The following SLC18A1 variants were observed in gnomAD, a reference collection of about 807,000 sequenced individuals.
The protein encoded by SLC18A1 is solute carrier family 18 member A1.
SLC18A1 carries 69 observed loss-of-function variants against 53.7 expected under a neutral mutation model. That is an observed-to-expected ratio of 1.28 (90% CI 1.06 to 1.57). The LOEUF (loss-of-function observed/expected upper bound fraction) is 1.57, where lower values mean the gene tolerates loss of function less well. Ranked by LOEUF, SLC18A1 falls within the 40% of genes most tolerant of loss-of-function variation. The probability of loss-of-function intolerance (pLI) is 0.00; values close to 1 mark genes in which losing one functional copy is unlikely to be tolerated. For missense variants in SLC18A1, 932 were observed against 668.1 expected (o/e 1.40, Z -4.35); for synonymous variants, 320 against 248.1 (o/e 1.29, Z -2.72).
intron 4 of SLC18A1, among the ~76,000 whole-genome samples, chr8:20,176,535 A>T (rs1186372511): frequency 3.3e-5 from 5 of 152,150 alleles, no homozygotes; most frequent in African/African-American, 1.2e-4. Flanking sequence ...CAAAGCAATT[A>T]TTTTTTTCAC....
At chr8:20,173,790 T>G (rs1381625937) in intron 5 of SLC18A1, among the ~76,000 whole-genome samples, 1 of 152,142 alleles carries the variant, frequency 6.6e-6, no homozygotes, top group African/African-American at 2.4e-5. Context: ...ATAGCTTCAC[T>G]GGAGGCTTGC....
At chr8:20,181,614 A>C (rs930946574) in intron 1 of SLC18A1, 4 of 152,132 alleles carry the variant, frequency 2.6e-5, no homozygotes, top group South Asian at 2.1e-4. Context: ...ATAGATATTG[A>C]TATCATGTTT....
At chr8:20,179,061 A>G (rs191766690) in intron 3 of SLC18A1, 60 bp downstream of exon 3, 35 of 1,527,520 alleles carry the variant, frequency 2.3e-5, no homozygotes, top group Admixed American at 2.1e-4. Context: ...CCCCCTTTCT[A>G]TACTTTTCTA....
At chr8:20,145,971 A>T (rs1238287118) in intron 15 of SLC18A1, 95 bp from the exon 16 acceptor site, 2 of 614,618 alleles carry the variant, frequency 3.3e-6, no homozygotes, top group Non-Finnish European at 5.3e-6. Context: ...GCTGGAGTGC[A>T]GTGGCGCAAT....
At chr8:20,173,742 A>G (rs917450332) in intron 5 of SLC18A1, among the ~76,000 whole-genome samples, 1 of 152,180 alleles carries the variant, frequency 6.6e-6, no homozygotes, top group Non-Finnish European at 1.5e-5. Flanking sequence ...CAGAAAAAGG[A>G]CCATAGAGTG....
In SLC18A1 at chr8:20,173,021, G is replaced by A. The variant is rs1314829472; in HGVS notation, c.724+15C>T. Reference sequence around the variant, plus strand: ...CCACCCTCCCGAACCCAGAGCTCCAGCTGGTGCCACTTACCCAGCAACCCC... The same window carrying A: ...CCACCCTCCCGAACCCAGAGCTCCAACTGGTGCCACTTACCCAGCAACCCC... On this transcript the variant is annotated intron_variant, in intron 6 of 15. Coordinates refer to ENST00000276373, the MANE Select transcript of SLC18A1 (RefSeq NM_003053.4). 1.9e-6 allele frequency: 3 copies of A among 1,556,958 alleles called. No individual in the cohort carries two copies. The highest frequency in any genetic ancestry group is 2.6e-6 in the Non-Finnish European group (3 of 1,145,584).
At position 20,179,051 on chromosome 8, in the gene SLC18A1, C is replaced by T. The variant is rs2072335619; in HGVS notation, c.488+70G>A. 5 of 1,513,214 alleles carry T rather than the reference C, an allele frequency of 3.3e-6. No homozygotes were observed. In the South Asian group the frequency reaches 4.0e-5, roughly 12 times the overall value. The allele number at this position is 1,513,214 out of a possible 1,614,324, so 93.7% of individuals were successfully genotyped here. A position where few individuals can be genotyped will look rare whatever the true frequency, so the allele number is the denominator to read the frequency against. Reference sequence around the variant, plus strand: ...AGTATTTCTTCTTTTTCCCTTCCAACCCCCTTTCTATACTTTTCTAGTCCT... The same window carrying T: ...AGTATTTCTTCTTTTTCCCTTCCAATCCCCTTTCTATACTTTTCTAGTCCT... On this transcript the variant is annotated intron_variant, in intron 3 of 15. Coordinates refer to ENST00000276373, the MANE Select transcript of SLC18A1 (RefSeq NM_003053.4).
chr8:20,170,138 A>AC (rs1456319576), intron 8 of SLC18A1, among the ~76,000 whole-genome samples: 5 of 152,086 alleles, frequency 3.3e-5, no homozygotes, highest in Admixed American at 1.3e-4. Context: ...CCTCTCCAGG[A>AC]CCCAGACATC....
At chr8:20,148,906 G>T (rs562695369) in intron 12 of SLC18A1, among the ~76,000 whole-genome samples, 2 of 152,222 alleles carry the variant, frequency 1.3e-5, no homozygotes, top group South Asian at 4.2e-4. Flanking sequence ...CAACCCTGTG[G>T]ACACCATCAG....
intron 4 of SLC18A1, 73 bp downstream of exon 4, chr8:20,178,362 A>C (rs1338302948): frequency 1.5e-5 from 19 of 1,227,516 alleles, no homozygotes; most frequent in Non-Finnish European, 1.9e-5. Flanking sequence ...TTACCCTGCT[A>C]TCTACACCGC....
Position 20,165,109 on chromosome 8 carries a change from T to C in SLC18A1, c.859-2A>G, listed in dbSNP as rs1409237003. The C allele has an allele frequency of 1.2e-6, 2 of 1,613,800 alleles. No homozygotes were observed. The highest frequency in any genetic ancestry group is 1.7e-5 in the Admixed American group (1 of 60,024). On this transcript the variant is annotated splice_acceptor_variant, in intron 8 of 15. Transcript: ENST00000276373. LOFTEE classifies it high-confidence loss of function. ...AAAGAGGGGAGTCCCCTTGGCACTCTGAGAACATGGATAACAAAAAATGTC... is the reference window on the plus strand; with the variant it reads ...AAAGAGGGGAGTCCCCTTGGCACTCCGAGAACATGGATAACAAAAAATGTC...
At chr8:20,154,806 G>T (rs903451068) in intron 10 of SLC18A1, among the ~76,000 whole-genome samples, 5 of 152,154 alleles carry the variant, frequency 3.3e-5, no homozygotes, top group Non-Finnish European at 7.4e-5. Flanking sequence ...GTCCGTGTTT[G>T]TTCTGGCTCG....
intron 8 of SLC18A1, among the ~76,000 whole-genome samples, chr8:20,165,725 A>G (rs1042156685): frequency 6.6e-6 from 1 of 152,156 alleles, no homozygotes; most frequent in Non-Finnish European, 1.5e-5. Context: ...TGCCTCAGCC[A>G]TCATTATTGC....
chr8:20,148,514 T>C (rs1427659330), intron 12 of SLC18A1: 11 of 1,277,998 alleles, frequency 8.6e-6, no homozygotes, highest in Non-Finnish European at 1.1e-5. Context: ...TCTAACTTGG[T>C]AGCTGTTGGA....
At position 20,164,982 on chromosome 8, in the gene SLC18A1, T is replaced by C; in HGVS notation, c.920-18A>G. 1 of 1,613,664 alleles carries C rather than the reference T, an allele frequency of 6.2e-7. No homozygotes were observed. Reference sequence around the variant, plus strand: ...GATGGACCCTGGGGAGACTGTTCTGTGAGCAGCCGTGGCTGCTTGAAGCCC... The same window carrying C: ...GATGGACCCTGGGGAGACTGTTCTGCGAGCAGCCGTGGCTGCTTGAAGCCC... On this transcript the variant is annotated intron_variant, in intron 9 of 15. Coordinates refer to ENST00000276373, the MANE Select transcript of SLC18A1 (RefSeq NM_003053.4).
intron 8 of SLC18A1, 99 bp downstream of exon 8, chr8:20,171,004 C>T (rs748102247): frequency 5.0e-5 from 60 of 1,196,034 alleles, no homozygotes; most frequent in Non-Finnish European, 3.6e-5. Flanking sequence ...TGACCCTATT[C>T]CTCTTCACTT....
At chr8:20,149,451 C>T (rs910402132) in intron 12 of SLC18A1, among the ~76,000 whole-genome samples, 2 of 152,098 alleles carry the variant, frequency 1.3e-5, no homozygotes, top group Non-Finnish European at 2.9e-5. Context: ...AAAGCCACTG[C>T]AGCTGGTGGC....
intron 7 of SLC18A1, 124 bp downstream of exon 7, chr8:20,171,281 G>A: frequency 7.7e-7 from 1 of 1,302,796 alleles, no homozygotes; most frequent in Non-Finnish European, 1.1e-6. Flanking sequence ...CTACAACGGG[G>A]CAGTCCTTGA....
At chr8:20,148,264 G>C (rs758912444) in intron 12 of SLC18A1, among the ~76,000 whole-genome samples, 194 bp from the exon 13 acceptor site, 1 of 152,190 alleles carries the variant, frequency 6.6e-6, no homozygotes, top group South Asian at 2.1e-4. Context: ...CTTGACCAGC[G>C]CTGTTGTGTT....
Sources: allele counts gnomAD v4.1 joint callset (sites outside exome capture counted in the v4.1 genomes callset), GRCh38; gene constraint gnomAD v4.1.1; transcripts MANE v1.5; gene names NCBI Gene and HGNC (gene_info 2026-07-23, HGNC 2026-07-21).